KLHL2: variants seen among roughly 807,000 people sequenced by gnomAD.
The protein encoded by KLHL2 is kelch-like protein 2.
A neutral mutation model predicts 75.8 loss-of-function variants in KLHL2; 15 were observed. The ratio of observed to expected loss-of-function variants is 0.20; its 90% CI spans 0.13 to 0.30. The LOEUF is 0.30. Ranked by LOEUF, KLHL2 falls within the 10% of genes least tolerant of loss-of-function variation. The probability of loss-of-function intolerance (pLI) is 1.00; values close to 1 mark genes in which losing one functional copy is unlikely to be tolerated. For synonymous variants in KLHL2, 214 were observed against 251.9 expected, an observed-to-expected ratio of 0.85 and a Z score of 1.42; for missense variants, 381 against 741.0, an observed-to-expected ratio of 0.51 and a Z score of 5.64.
intron 9 of KLHL2, among the ~76,000 whole-genome samples, chr4:165,308,533 C>T (rs1163213829): frequency 6.6e-6 from 1 of 152,164 alleles, no homozygotes; most frequent in African/African-American, 2.4e-5. Flanking sequence ...GGTTATCATA[C>T]TTCTTTTAGT....
intron 5 of KLHL2, among the ~76,000 whole-genome samples, chr4:165,265,390 CA>C (rs1163927456): frequency 6.6e-6 from 1 of 151,992 alleles, no homozygotes; most frequent in Non-Finnish European, 1.5e-5. Context: ...AATTAGGTCC[CA>C]TTTATTTATT....
intron 1 of KLHL2, among the ~76,000 whole-genome samples, chr4:165,209,006 A>T (rs569219116): frequency 1.8e-4 from 27 of 152,296 alleles, no homozygotes; most frequent in African/African-American, 6.0e-4. Context: ...AGGAGAGCTA[A>T]TGGGATTCTG....
intron 1 of KLHL2, among the ~76,000 whole-genome samples, chr4:165,217,839 T>G (rs1424298139): frequency 6.6e-6 from 1 of 152,214 alleles, no homozygotes; most frequent in Non-Finnish European, 1.5e-5. Context: ...TGCCTTCACT[T>G]GGATGTCTGA....
chr4:165,223,063 T>C (rs1738134612), intron 2 of KLHL2, among the ~76,000 whole-genome samples: 1 of 152,280 alleles, frequency 6.6e-6, no homozygotes, highest in Non-Finnish European at 1.5e-5. Flanking sequence ...TGACATTTTA[T>C]TGTTTTCTTA....
intron 4 of KLHL2, among the ~76,000 whole-genome samples, chr4:165,260,587 G>A (rs1365277820): frequency 1.3e-5 from 2 of 151,860 alleles, no homozygotes; most frequent in African/African-American, 4.8e-5. Context: ...TGGGGGGGGT[G>A]TATATGTTAG....
intron 5 of KLHL2, among the ~76,000 whole-genome samples, chr4:165,270,111 C>T (rs1239960521): frequency 5.9e-5 from 9 of 152,140 alleles, no homozygotes; most frequent in Non-Finnish European, 1.2e-4. Flanking sequence ...TTGGTCGAAT[C>T]GGCTATTGAC....
At chr4:165,256,302 A>G (rs1741162571) in intron 4 of KLHL2, among the ~76,000 whole-genome samples, 1 of 152,226 alleles carries the variant, frequency 6.6e-6, no homozygotes, top group African/African-American at 2.4e-5. Flanking sequence ...GGAAATCAAC[A>G]TGTACAAATA....
intron 9 of KLHL2, among the ~76,000 whole-genome samples, chr4:165,306,075 C>T (rs1745706780): frequency 6.6e-6 from 1 of 152,178 alleles, no homozygotes; most frequent in African/African-American, 2.4e-5. Context: ...TGTTAAGTCC[C>T]TCAGTTATAA....
chr4:165,295,916 T>A (rs1744871047), intron 6 of KLHL2, among the ~76,000 whole-genome samples: 1 of 151,994 alleles, frequency 6.6e-6, no homozygotes, highest in South Asian at 2.1e-4. Context: ...CTTAAAAGGG[T>A]TTTAAGCCAG....
chr4:165,320,526 T>G (rs1309589686), intron 14 of KLHL2, among the ~76,000 whole-genome samples: 2 of 152,054 alleles, frequency 1.3e-5, no homozygotes, highest in Non-Finnish European at 2.9e-5. Flanking sequence ...CTAAACACAA[T>G]GTATCTAATT....
chr4:165,289,940 C>G (rs551073751), intron 5 of KLHL2, among the ~76,000 whole-genome samples: 1 of 152,194 alleles, frequency 6.6e-6, no homozygotes, highest in Non-Finnish European at 1.5e-5. Flanking sequence ...GAAACTTAAC[C>G]CAAAATCACT....
chr4:165,236,658 CA>C lies in KLHL2; in HGVS notation c.260-2118del, dbSNP rs1192252289. On this transcript the variant is annotated intron_variant, in intron 3 of 14. Coordinates refer to ENST00000226725, the MANE Select transcript of KLHL2 (RefSeq NM_007246.4). The stretch of plus-strand genomic sequence containing the variant: ...TGGAATTAGATATAAATAACTTTTA[CA>C]ATACTCTTTAGTATGGGCTTTGATT... Among the ~76,000 whole-genome samples, 9 of 152,296 alleles carry C rather than the reference CA, an allele frequency of 5.9e-5. No individual in the cohort carries two copies. The East Asian group carries it at 1.7e-3, about 29-fold the overall frequency.
At chr4:165,257,148 G>A (rs112636869) in intron 4 of KLHL2, among the ~76,000 whole-genome samples, 30,761 of 152,154 alleles carry the variant, frequency 0.2, 3,777 homozygotes, top group Non-Finnish European at 0.29. Context: ...ATAACAGCTT[G>A]GGGTCCTTCT....
chr4:165,240,354 G>A (rs1389693220), intron 4 of KLHL2: 4 of 152,184 alleles, frequency 2.6e-5, no homozygotes, highest in Admixed American at 6.5e-5. Context: ...CTTTGCACTT[G>A]TTAAGACATG....
intron 1 of KLHL2, among the ~76,000 whole-genome samples, chr4:165,219,014 A>G (rs1203177950): frequency 6.6e-6 from 1 of 152,208 alleles, no homozygotes; most frequent in African/African-American, 2.4e-5. Flanking sequence ...TTTTATAACC[A>G]TTGCTTCAAA....
intron 6 of KLHL2, among the ~76,000 whole-genome samples, chr4:165,296,643 T>C (rs765968054): frequency 6.6e-5 from 10 of 152,016 alleles, no homozygotes; most frequent in Non-Finnish European, 1.3e-4. Flanking sequence ...GATGAGAGGA[T>C]GTTGAAGTCA....
At chr4:165,314,567 G>C (rs1327380644) in intron 13 of KLHL2, among the ~76,000 whole-genome samples, 1 of 152,138 alleles carries the variant, frequency 6.6e-6, no homozygotes, top group Non-Finnish European at 1.5e-5. Flanking sequence ...ATTTAGTCTA[G>C]TTGAGTAGAT....
In KLHL2 at chr4:165,259,934, A is replaced by G. The variant is rs966373656; in HGVS notation, c.382-3263A>G. Among the ~76,000 whole-genome samples, 7 of 151,554 alleles carry G rather than the reference A, an allele frequency of 4.6e-5. 1 individual carries two copies. The highest frequency in any genetic ancestry group is 1.3e-4 in the Admixed American group (2 of 15,218). ...AGGTTTGATTTGATTTGATCTCAAA[A>G]CTTTCAGCTTGCAGGGTGACAGCTG... On this transcript the variant is annotated intron_variant, in intron 4 of 14. Coordinates refer to ENST00000226725, the MANE Select transcript of KLHL2 (RefSeq NM_007246.4).
At chr4:165,241,827 T>TA (rs1187387942) in intron 4 of KLHL2, among the ~76,000 whole-genome samples, 8 of 152,128 alleles carry the variant, frequency 5.3e-5, no homozygotes, top group Non-Finnish European at 8.8e-5. Context: ...ATATAATACC[T>TA]ATTTGAAGTG....
Sources: gnomAD v4.1 joint callset for allele counts (sites outside exome capture counted in the v4.1 genomes callset) on GRCh38, gnomAD v4.1.1 for gene constraint, MANE v1.5 for transcripts, NCBI Gene and HGNC (gene_info 2026-07-23, HGNC 2026-07-21) for gene names.